Variants in NFKBIA observed in about 807,000 individuals in gnomAD.
NFKBIA encodes the protein NF-kappa-B inhibitor alpha.
NFKBIA carries 10 observed loss-of-function variants against 36.3 expected under a neutral mutation model. The observed-to-expected ratio is 0.28, with a 90% CI of 0.17 to 0.47. The LOEUF (loss-of-function observed/expected upper bound fraction) is 0.47. NFKBIA is among the 20% of genes least tolerant of loss of function. NFKBIA has a pLI of 0.99. For synonymous variants in NFKBIA, 205 were observed against 164.4 expected, an observed-to-expected ratio of 1.25 and a Z score of -1.89; for missense variants, 355 against 399.3, an observed-to-expected ratio of 0.89 and a Z score of 0.94.
intron 5 of NFKBIA, 38 bp downstream of exon 5, chr14:35,402,356 C>T (rs1451846878): frequency 1.2e-6 from 2 of 1,613,254 alleles, no homozygotes; most frequent in Non-Finnish European, 1.7e-6. Context: ...GGAATGGCAC[C>T]TCATTAGTTA....
At chr14:35,404,102 T>G in intron 1 of NFKBIA, 1 of 417,662 alleles carries the variant, frequency 2.4e-6, no homozygotes, top group Non-Finnish European at 4.3e-6. Flanking sequence ...CCGCCCCGCC[T>G]TATGCAACCG....
At position 35,403,288 on chromosome 14, in the gene NFKBIA, G is replaced by A. The variant is rs147627228; in HGVS notation, c.409C>T (p.Pro137Ser). 3.2e-5 allele frequency: 51 copies of A among 1,613,872 alleles called. No individual in the cohort carries two copies. In the African/African-American group the frequency reaches 6.0e-4, roughly 19 times the overall value. ...TTTCCTCGAAAGTCTCGGAGCTCAG[G>A]ATCACAGCCAGCTCCCAGAAGTGCC... ...AEALLGAGCD[P>S]ELRDFRGNTP... The change falls in exon 3 of 6, where the codon CCT becomes TCT. Residue 137 changes from proline (P) to serine (S), a missense_variant. Coordinates refer to ENST00000216797, the MANE Select transcript of NFKBIA (RefSeq NM_020529.3).
rs540103354 is a variant in NFKBIA, at chr14:35,404,723, G to GGGCGGGAC, written c.-87_-80dup. On this transcript the variant is annotated 5_prime_UTR_variant, in exon 1 of 6. Transcript: ENST00000216797. ...GCTGCTTCCTCGCTGGGGCGCTGGC[G>GGGCGGGAC]GGCGGGACGGCGGCACGGACTGCTG... 0.019 allele frequency: 20,143 copies of GGGCGGGAC among 1,049,120 alleles called. 333 individuals carry two copies. Among genetic ancestry groups the GGGCGGGAC allele is most frequent in the Non-Finnish European group, 0.022 (17,969 of 799,234 alleles). 65.0% of individuals were successfully genotyped at this position (1,049,120 alleles called of 1,614,324 possible).
chr14:35,404,325 C>T, intron 1 of NFKBIA, 93 bp downstream of exon 1: 1 of 951,662 alleles, frequency 1.1e-6, no homozygotes, highest in South Asian at 2.8e-5. Flanking sequence ...CGCTGGTCCC[C>T]CGGCTCGGGC....
rs775432076 is a variant in NFKBIA, at chr14:35,404,462, G to A, written c.183C>T (p.Arg61=). ...EIRLEPQEVP[R]GSEPWKQQLT... ...GCTGCTGCTTCCAGGGCTCCGAGCC[G>A]CGCGGCACCTCCTGCGGCTCGAGGC... The change falls in exon 1 of 6, where the codon CGC becomes CGT. Residue 61 remains arginine, a synonymous_variant. Transcript: ENST00000216797. 2 of 1,562,550 alleles carry A rather than the reference G, an allele frequency of 1.3e-6. No homozygotes were observed. Among genetic ancestry groups the A allele is most frequent in the East Asian group, 4.9e-5 (2 of 40,588 alleles).
At position 35,403,867 on chromosome 14, in the gene NFKBIA, C is replaced by A. The variant is rs2052757141; in HGVS notation, c.228-69G>T. ...CGCGTGGGGCCCAGGGAGGCGCGGGCTGCGGGGGATTGCGCAAGGCCGGGG... is the reference window on the plus strand; with the variant it reads ...CGCGTGGGGCCCAGGGAGGCGCGGGATGCGGGGGATTGCGCAAGGCCGGGG... On this transcript the variant is annotated intron_variant, in intron 1 of 5. Coordinates refer to ENST00000216797, the MANE Select transcript of NFKBIA (RefSeq NM_020529.3). 1.8e-5 allele frequency: 21 copies of A among 1,186,368 alleles called. No homozygotes were observed. In the South Asian group the frequency reaches 1.9e-4, roughly 11 times the overall value. The allele number at this position is 1,186,368 out of a possible 1,614,324, so 73.5% of individuals were successfully genotyped here.
rs755419463 is a variant in NFKBIA, at chr14:35,403,845, G to C, written c.228-47C>G. ...ACCCCAGGGGTGGTGAGTGCACCGC[G>C]TGGGGCCCAGGGAGGCGCGGGCTGC... On this transcript the variant is annotated intron_variant, in intron 1 of 5. Transcript: ENST00000216797. The C allele has an allele frequency of 2.1e-6, 3 of 1,418,122 alleles. No individual in the cohort carries two copies. The South Asian group carries it at 3.5e-5, about 17-fold the overall frequency. 87.8% of individuals were successfully genotyped at this position (1,418,122 alleles called of 1,614,324 possible).
rs1366954096 is a variant in NFKBIA, at chr14:35,402,819, C to G, written c.588G>C (p.Leu196=). ...CLHLASIHGY[L]GIVELLVSLG... ...AGGACACCAAAAGCTCCACGATGCC[C>G]AGGTAGCCATGGATAGAGGCTAAGT... The change falls in exon 4 of 6, where the codon CTG becomes CTC. Residue 196 remains leucine (L), a synonymous_variant. Coordinates refer to ENST00000216797, the MANE Select transcript of NFKBIA (RefSeq NM_020529.3). The G allele has an allele frequency of 6.2e-7, 1 of 1,614,204 alleles. No homozygotes were observed. Among genetic ancestry groups the G allele is most frequent in the Admixed American group, 1.7e-5 (1 of 60,024 alleles).
chr14:35,402,252 T>C (rs1444593519), intron 5 of NFKBIA, 142 bp downstream of exon 5: 4 of 487,846 alleles, frequency 8.2e-6, no homozygotes, highest in African/African-American at 4.5e-5. Context: ...GCAGGTACAT[T>C]CTTGGGATAC....
In NFKBIA at chr14:35,402,003, C is replaced by T. The variant is rs1425102995; in HGVS notation, c.*10G>A. 1 of 1,613,552 alleles carries T rather than the reference C, an allele frequency of 6.2e-7. No homozygotes were observed. Among genetic ancestry groups the T allele is most frequent in the Non-Finnish European group, 8.5e-7 (1 of 1,179,754 alleles). On this transcript the variant is annotated 3_prime_UTR_variant, in exon 6 of 6. Transcript: ENST00000216797. ...ATATACAAGTCCATGTTCTTTCAGCCCCTTTGCGCTCATAACGTCAGACGC... is the reference window on the plus strand; with the variant it reads ...ATATACAAGTCCATGTTCTTTCAGCTCCTTTGCGCTCATAACGTCAGACGC...
In NFKBIA at chr14:35,403,375, G is replaced by C. The variant is rs758334419; in HGVS notation, c.337-15C>G. ...TGGAGTGGAGTCTACGAATGCAAGA[G>C]AGACCAGAGAAAGTAAGCCATGGAC... On this transcript the variant is annotated splice_polypyrimidine_tract_variant and intron_variant, in intron 2 of 5. Coordinates refer to ENST00000216797, the MANE Select transcript of NFKBIA (RefSeq NM_020529.3). The C allele has an allele frequency of 1.9e-6, 3 of 1,613,626 alleles. No homozygotes were observed. The highest frequency in any genetic ancestry group is 2.2e-5 in the East Asian group (1 of 44,878).
chr14:35,404,077 A>T (rs950217678), intron 1 of NFKBIA: 9 of 442,634 alleles, frequency 2.0e-5, no homozygotes, highest in East Asian at 4.8e-5. Context: ...GGCGCCCGCC[A>T]GCGGCCAGAA....
At position 35,404,403 on chromosome 14, in the gene NFKBIA, G is replaced by A; in HGVS notation, c.227+15C>T. ...CCCTCCCGACGACCCCCAGCCCCGG[G>A]CCTCCGCCACTTACGAGTCCCCGTC... On this transcript the variant is annotated intron_variant, in intron 1 of 5. Coordinates refer to ENST00000216797, the MANE Select transcript of NFKBIA (RefSeq NM_020529.3). 6.4e-7 allele frequency: 1 copy of A among 1,557,176 alleles called. No individual in the cohort carries two copies. Among genetic ancestry groups the A allele is most frequent in the Non-Finnish European group, 8.6e-7 (1 of 1,156,190 alleles).
At position 35,403,559 on chromosome 14, in the gene NFKBIA, G is replaced by A. The variant is rs2233416; in HGVS notation, c.336+131C>T. 0.064 allele frequency: 55,172 copies of A among 868,748 alleles called. 2,558 individuals are homozygous for A. The highest frequency in any genetic ancestry group is 0.21 in the African/African-American group (12,326 of 60,096). 53.8% of individuals were successfully genotyped at this position (868,748 alleles called of 1,614,324 possible). On this transcript the variant is annotated intron_variant, in intron 2 of 5. Transcript: ENST00000216797. ...AATTTCCTTCACTCTCTAGGATGTG[G>A]GCTGATGTGAAGTAAAAGGTGAGGG...
At chr14:35,403,582 G>A (rs2052752340) in intron 2 of NFKBIA, 108 bp downstream of exon 2, 1 of 892,552 alleles carries the variant, frequency 1.1e-6, no homozygotes, top group Non-Finnish European at 1.8e-6. Context: ...TAAAAGGTGA[G>A]GGTAAATAGT....
Position 35,401,826 on chromosome 14 carries a change from C to T in NFKBIA, c.*187G>A, listed in dbSNP as rs1050133957. On this transcript the variant is annotated 3_prime_UTR_variant, in exon 6 of 6. Transcript: ENST00000216797. The stretch of plus-strand genomic sequence containing the variant: ...TTTCAATGATCTTTCTCGTCCCCTA[C>T]AAAAAGTTCACAAAAGCAACAAAAT... 14 of 647,536 alleles carry T rather than the reference C, an allele frequency of 2.2e-5. No homozygotes were observed. In the East Asian group the frequency reaches 3.0e-4, roughly 14 times the overall value. The allele number at this position is 647,536 out of a possible 1,614,324, so 40.1% of individuals were successfully genotyped here.
intron 1 of NFKBIA, 113 bp from the exon 2 acceptor site, chr14:35,403,911 G>C (rs1213274128): frequency 1.4e-5 from 11 of 784,024 alleles, no homozygotes; most frequent in Non-Finnish European, 2.2e-5. Context: ...GGCCGAGGCC[G>C]CGGTGTTTTC....
intron 3 of NFKBIA, 64 bp from the exon 4 acceptor site, chr14:35,402,923 T>C (rs2052743859): frequency 1.3e-6 from 2 of 1,486,564 alleles, no homozygotes; most frequent in Non-Finnish European, 1.9e-6. Flanking sequence ...TCACCTATTC[T>C]TTTATGGAAC....
At position 35,403,605 on chromosome 14, in the gene NFKBIA, T is replaced by C; in HGVS notation, c.336+85A>G. On this transcript the variant is annotated intron_variant, in intron 2 of 5. Transcript: ENST00000216797. ...GAGGGTAAATAGTGCTCAGTGGCCC[T>C]GAATTCAGAAAGGATCTGGGGTGAC... 3.9e-6 allele frequency: 4 copies of C among 1,015,374 alleles called. No individual in the cohort carries two copies. In the South Asian group the frequency reaches 5.4e-5, roughly 14 times the overall value. 62.9% of individuals were successfully genotyped at this position (1,015,374 alleles called of 1,614,324 possible).
Sources: gnomAD v4.1 joint callset for allele counts on GRCh38, gnomAD v4.1.1 for gene constraint, MANE v1.5 for transcripts, NCBI Gene and HGNC (gene_info 2026-07-23, HGNC 2026-07-21) for gene names.